The following ASAP1 variants were observed in gnomAD, a reference collection of about 807,000 sequenced individuals.
ASAP1 encodes ArfGAP with SH3 domain, ankyrin repeat and PH domain 1.
ASAP1 carries 43 observed loss-of-function variants against 145.2 expected under a neutral mutation model. The ratio of observed to expected loss-of-function variants is 0.30; its 90% CI spans 0.23 to 0.38. The LOEUF (loss-of-function observed/expected upper bound fraction) is 0.38, where lower values mean the gene tolerates loss of function less well. Among genes scored for constraint, ASAP1 ranks in the 10% least tolerant of loss-of-function variants. The pLI is 1.00. For synonymous variants in ASAP1, 546 were observed against 515.5 expected (o/e 1.06, Z -0.80); for missense variants, 1,018 against 1,355.3 (o/e 0.75, Z 3.91).
chr8:130,251,122 A>C (rs1374224481), intron 3 of ASAP1, among the ~76,000 whole-genome samples: 2 of 152,204 alleles, frequency 1.3e-5, no homozygotes, highest in Non-Finnish European at 2.9e-5. Flanking sequence ...TAGAACACTA[A>C]ATTTTTTAAA....
In ASAP1 at chr8:130,060,593, T is replaced by C; in HGVS notation, c.3178A>G (p.Arg1060Gly). 1 of 1,610,932 alleles carries C rather than the reference T, an allele frequency of 6.2e-7. No individual in the cohort carries two copies. The highest frequency in any genetic ancestry group is 8.5e-7 in the Non-Finnish European group (1 of 1,178,364). The change falls in exon 28 of 30, where the codon AGA (arginine) becomes GGA (glycine). Residue 1060 changes from arginine to glycine, a missense_variant. By Grantham distance (125) the Arg-to-Gly change is moderately radical (BLOSUM62 -2). Coordinates refer to ENST00000518721, the MANE Select transcript of ASAP1 (RefSeq NM_018482.4). ...TLPETPVPLP[R>G]KINTGKNKVR... Reference sequence around the variant, plus strand: ...GTCCCACCCACCGTATTGATTTTTCTGGGCAGTGGTACGGGCGTCTCTGGC... The same window carrying C: ...GTCCCACCCACCGTATTGATTTTTCCGGGCAGTGGTACGGGCGTCTCTGGC...
intron 27 of ASAP1, among the ~76,000 whole-genome samples, chr8:130,063,615 T>A (rs556969827): frequency 1.3e-5 from 2 of 152,118 alleles, no homozygotes; most frequent in African/African-American, 2.4e-5. Flanking sequence ...CTGCATGACG[T>A]AGCTTCATCT....
chr8:130,342,120 T>C (rs2137927393), intron 3 of ASAP1, among the ~76,000 whole-genome samples: 1 of 152,264 alleles, frequency 6.6e-6, no homozygotes, highest in Admixed American at 6.5e-5. Context: ...GCCAGGGCAT[T>C]CACGGTGAGG....
At chr8:130,106,033 G>A (rs973459278) in intron 24 of ASAP1, among the ~76,000 whole-genome samples, 2 of 152,186 alleles carry the variant, frequency 1.3e-5, no homozygotes, top group Non-Finnish European at 2.9e-5. Flanking sequence ...CACCCTGGCA[G>A]TCAGGTGACT....
intron 2 of ASAP1, among the ~76,000 whole-genome samples, chr8:130,389,707 T>C (rs969220448): frequency 2.0e-5 from 3 of 152,198 alleles, no homozygotes; most frequent in African/African-American, 7.2e-5. Context: ...TTTATTTATT[T>C]ATTTTTTTCC....
chr8:130,121,193 T>G (rs1344685132), intron 18 of ASAP1, among the ~76,000 whole-genome samples: 2 of 152,186 alleles, frequency 1.3e-5, no homozygotes, highest in Non-Finnish European at 2.9e-5. Context: ...GTGGATCTAT[T>G]CTAACAGCTT....
intron 3 of ASAP1, among the ~76,000 whole-genome samples, chr8:130,300,153 CAG>C (rs369720584): frequency 0.018 from 1,383 of 76,722 alleles, 12 homozygotes; most frequent in Non-Finnish European, 0.021. Flanking sequence ...CACACACACA[CAG>C]AGAGAGAGAG....
intron 24 of ASAP1, among the ~76,000 whole-genome samples, chr8:130,099,018 T>G (rs2097523977): frequency 6.7e-6 from 1 of 148,928 alleles, no homozygotes; most frequent in Admixed American, 6.7e-5. Context: ...TAAGCTTTTT[T>G]TTTTTTTTTT....
At chr8:130,320,750 T>A (rs995528911) in intron 3 of ASAP1, among the ~76,000 whole-genome samples, 15 of 151,912 alleles carry the variant, frequency 9.9e-5, no homozygotes, top group Non-Finnish European at 2.1e-4. Flanking sequence ...AATTCAGAGC[T>A]TTTCATCCTT....
At chr8:130,310,051 C>T (rs1028965061) in intron 3 of ASAP1, among the ~76,000 whole-genome samples, 3 of 146,006 alleles carry the variant, frequency 2.1e-5, no homozygotes, top group African/African-American at 7.6e-5. Context: ...TTCTACCATA[C>T]ATTAACCATA....
intron 27 of ASAP1, among the ~76,000 whole-genome samples, chr8:130,065,878 C>T (rs1006453297): frequency 6.6e-6 from 1 of 152,158 alleles, no homozygotes; most frequent in African/African-American, 2.4e-5. Context: ...CGCTATTGGA[C>T]CTTAGGATAA....
chr8:130,289,505 G>C lies in ASAP1; in HGVS notation c.187-52511C>G, dbSNP rs76136560. On this transcript the variant is annotated intron_variant, in intron 3 of 29. Transcript: ENST00000518721. ...TTTAGAGAATACCCCAAATCCTTAGGGAGGCAGCTACCTTGCAGACTGGTC... is the reference window on the plus strand; with the variant it reads ...TTTAGAGAATACCCCAAATCCTTAGCGAGGCAGCTACCTTGCAGACTGGTC... Among the ~76,000 whole-genome samples the C allele has an allele frequency of 1.3e-3, 193 of 152,268 alleles. 1 individual carries two copies. The highest frequency in any genetic ancestry group is 4.5e-3 in the African/African-American group (186 of 41,572).
At chr8:130,425,465 C>T (rs531752118) in intron 1 of ASAP1, among the ~76,000 whole-genome samples, 3 of 150,670 alleles carry the variant, frequency 2.0e-5, no homozygotes, top group East Asian at 3.9e-4. Flanking sequence ...TGCAGTGAGC[C>T]GAGATCTCAC....
chr8:130,085,497 G>A (rs566266446), intron 25 of ASAP1, among the ~76,000 whole-genome samples: 2 of 152,274 alleles, frequency 1.3e-5, no homozygotes, highest in East Asian at 3.9e-4. Flanking sequence ...CACTTTGGGA[G>A]GTCAAGGCAG....
At chr8:130,439,214 A>C (rs1379911765) in intron 1 of ASAP1, among the ~76,000 whole-genome samples, 1 of 152,182 alleles carries the variant, frequency 6.6e-6, no homozygotes, top group Non-Finnish European at 1.5e-5. Context: ...AAGATATGCA[A>C]GTGGCCTCCT....
At position 130,297,934 on chromosome 8, in the gene ASAP1, C is replaced by A. The variant is rs371694422; in HGVS notation, c.186+60083G>T. ...CTTGTAGCTAAATTGGCCAGAGAGG[C>A]CATTGTCTGGCCCAAAGAATCACAT... is the stretch of plus-strand genomic sequence containing the variant. On this transcript the variant is annotated intron_variant, in intron 3 of 29. Transcript: ENST00000518721. 8.5e-5 allele frequency among the ~76,000 whole-genome samples: 13 copies of A among 152,278 alleles called. 1 individual carries two copies. The East Asian group carries it at 1.7e-3, about 20-fold the overall frequency.
intron 11 of ASAP1, among the ~76,000 whole-genome samples, chr8:130,165,069 G>C (rs1320361282): frequency 6.6e-6 from 1 of 152,140 alleles, no homozygotes; most frequent in Admixed American, 6.5e-5. Flanking sequence ...TGTGATGCAA[G>C]GTACTAATGA....
intron 24 of ASAP1, among the ~76,000 whole-genome samples, chr8:130,103,176 C>T (rs1040934401): frequency 2.6e-5 from 4 of 152,036 alleles, no homozygotes; most frequent in Non-Finnish European, 5.9e-5. Flanking sequence ...TCCATTTCCT[C>T]TAGGTTTCCT....
At chr8:130,228,134 A>G (rs1363577955) in intron 4 of ASAP1, among the ~76,000 whole-genome samples, 2 of 152,214 alleles carry the variant, frequency 1.3e-5, no homozygotes, top group African/African-American at 2.4e-5. Context: ...CACTGGTAGA[A>G]AAACCAAGGT....
Sources: allele counts gnomAD v4.1 joint callset (sites outside exome capture counted in the v4.1 genomes callset), GRCh38; gene constraint gnomAD v4.1.1; transcripts MANE v1.5; gene names NCBI Gene and HGNC (gene_info 2026-07-23, HGNC 2026-07-21).